RYR3: variants seen among roughly 807,000 people sequenced by gnomAD.
RYR3 encodes the protein ryanodine receptor 3, also known as brain ryanodine receptor-calcium release channel.
In RYR3, 207 loss-of-function variants were observed where a neutral mutation model predicts 584.3. That is an observed-to-expected ratio of 0.35 (90% CI 0.32 to 0.40). The LOEUF (loss-of-function observed/expected upper bound fraction) is 0.40. RYR3 is among the 10% of genes least tolerant of loss of function. The pLI is 1.00. For synonymous variants in RYR3, 2,416 were observed against 2,248.5 expected (o/e 1.07, Z -2.11); for missense variants, 5,616 against 6,089.2 (o/e 0.92, Z 2.59).
chr15:33,805,567 T>G (rs1480557435), intron 69 of RYR3, among the ~76,000 whole-genome samples: 2 of 150,578 alleles, frequency 1.3e-5, no homozygotes, highest in Non-Finnish European at 3.0e-5. Context: ...AAGCTCCGCC[T>G]CCCTGGTTCA....
intron 81 of RYR3, 129 bp from the exon 82 acceptor site, chr15:33,825,474 T>C: frequency 3.3e-6 from 2 of 606,126 alleles, no homozygotes; most frequent in Non-Finnish European, 5.8e-6. Context: ...GCAACCACCC[T>C]GGAATGTGTT....
At chr15:33,669,603 A>G (rs979357796) in intron 37 of RYR3, 147 bp downstream of exon 37, 2 of 684,234 alleles carry the variant, frequency 2.9e-6, no homozygotes. Context: ...TATCCTAGCT[A>G]CTTGTGTCAG....
chr15:33,798,084 T>TTTTA (rs113043524), intron 67 of RYR3, among the ~76,000 whole-genome samples: 59,759 of 110,482 alleles, frequency 0.54, 12,526 homozygotes, highest in East Asian at 0.85. Context: ...TCTGTCTGTC[T>TTTTA]TTTATTTATT....
chr15:33,819,847 T>C, intron 77 of RYR3, 40 bp downstream of exon 77: 1 of 1,499,948 alleles, frequency 6.7e-7, no homozygotes, highest in Admixed American at 1.8e-5. Context: ...TGTCTTTCTG[T>C]CTTCCCTTAG....
In RYR3 at chr15:33,864,193, A is replaced by G; in HGVS notation, c.14517+4A>G. Reference sequence around the variant, plus strand: ...TGAAACAGAGCACACGGGTCAGGTGAGAAATTAAGAATCATATACCCGTGT... The same window carrying G: ...TGAAACAGAGCACACGGGTCAGGTGGGAAATTAAGAATCATATACCCGTGT... On this transcript the variant is annotated splice_donor_region_variant and intron_variant, in intron 103 of 103. Coordinates refer to ENST00000634891, the MANE Select transcript of RYR3 (RefSeq NM_001036.6). 1 of 1,607,108 alleles carries G rather than the reference A, an allele frequency of 6.2e-7. No individual in the cohort carries two copies. The highest frequency in any genetic ancestry group is 8.5e-7 in the Non-Finnish European group (1 of 1,175,414).
At chr15:33,732,193 A>C (rs2069014238) in intron 48 of RYR3, among the ~76,000 whole-genome samples, 1 of 151,726 alleles carries the variant, frequency 6.6e-6, no homozygotes, top group Non-Finnish European at 1.5e-5. Context: ...CATCCTGGCT[A>C]ACACGGTGAA....
At chr15:33,532,169 C>T (rs999068213) in intron 4 of RYR3, among the ~76,000 whole-genome samples, 18 of 152,138 alleles carry the variant, frequency 1.2e-4, no homozygotes, top group African/African-American at 4.3e-4. Flanking sequence ...GAAAGCACAT[C>T]CCAAGAGCTT....
intron 13 of RYR3, among the ~76,000 whole-genome samples, chr15:33,580,604 A>C (rs1413224663): frequency 6.6e-6 from 1 of 152,184 alleles, no homozygotes; most frequent in Non-Finnish European, 1.5e-5. Flanking sequence ...GTGGGGCCTG[A>C]CCATGAGGAA....
At chr15:33,556,767 G>C (rs4780125) in intron 10 of RYR3, among the ~76,000 whole-genome samples, 106,036 of 151,822 alleles carry the variant, frequency 0.7, 39,036 homozygotes, top group Middle Eastern at 0.85. Flanking sequence ...CTTCCTCATT[G>C]CCCTTCACTC....
intron 12 of RYR3, among the ~76,000 whole-genome samples, chr15:33,579,550 CA>C (rs1294296656): frequency 2.0e-5 from 3 of 151,870 alleles, no homozygotes; most frequent in Non-Finnish European, 4.4e-5. Flanking sequence ...GACAGACAAC[CA>C]GGGGTAAATG....
intron 59 of RYR3, among the ~76,000 whole-genome samples, chr15:33,756,796 G>A (rs1443835695): frequency 6.6e-6 from 1 of 152,098 alleles, no homozygotes; most frequent in African/African-American, 2.4e-5. Flanking sequence ...TAAGGTGAGA[G>A]ATGACAGGTT....
intron 86 of RYR3, among the ~76,000 whole-genome samples, chr15:33,833,922 G>C (rs1213630754): frequency 6.6e-6 from 1 of 152,102 alleles, no homozygotes; most frequent in Admixed American, 6.5e-5. Context: ...ATTGGTTAAA[G>C]GGTAGAAAAA....
intron 67 of RYR3, among the ~76,000 whole-genome samples, chr15:33,793,496 A>G (rs1414649517): frequency 1.3e-5 from 2 of 152,124 alleles, no homozygotes; most frequent in Admixed American, 6.6e-5. Context: ...GGGTCACTTC[A>G]TTAGCATAAA....
chr15:33,676,131 G>T (rs183645796), intron 38 of RYR3, among the ~76,000 whole-genome samples: 1 of 151,996 alleles, frequency 6.6e-6, no homozygotes, highest in Non-Finnish European at 1.5e-5. Flanking sequence ...TCTCAAGAGT[G>T]AGAGAGATTG....
intron 19 of RYR3, among the ~76,000 whole-genome samples, 191 bp downstream of exon 19, chr15:33,613,566 G>A (rs759264579): frequency 1.1e-4 from 16 of 152,206 alleles, no homozygotes; most frequent in Non-Finnish European, 2.2e-4. Context: ...ACCTCCCCCA[G>A]GGGTTGTATT....
chr15:33,335,737 G>A (rs1413333705), intron 1 of RYR3, among the ~76,000 whole-genome samples: 1 of 148,488 alleles, frequency 6.7e-6, no homozygotes, highest in African/African-American at 2.5e-5. Flanking sequence ...AAAAAAAAAA[G>A]ATCAGTGGAT....
chr15:33,591,495 A>G (rs1330525747), intron 16 of RYR3, among the ~76,000 whole-genome samples: 1 of 152,028 alleles, frequency 6.6e-6, no homozygotes, highest in Non-Finnish European at 1.5e-5. Flanking sequence ...GCCAGAATCT[A>G]CTCCTGTCTC....
At chr15:33,569,608 A>G (rs930672384) in intron 12 of RYR3, among the ~76,000 whole-genome samples, 1 of 152,186 alleles carries the variant, frequency 6.6e-6, no homozygotes, top group Non-Finnish European at 1.5e-5. Flanking sequence ...ATTCCATTCT[A>G]TATAAATACC....
rs565785054 is a variant in RYR3 at position 33,649,983 on chromosome 15, G to A, written c.4142+748G>A. 5.9e-5 allele frequency among the ~76,000 whole-genome samples: 9 copies of A among 152,320 alleles called. No individual in the cohort carries two copies. The South Asian group carries it at 1.9e-3, about 32-fold the overall frequency. On this transcript the variant is annotated intron_variant, in intron 31 of 103. Coordinates refer to ENST00000634891, the MANE Select transcript of RYR3 (RefSeq NM_001036.6). ...CTTTGCTCCCTACGAAGACAGGAACGTTTTGCAATCAGTGTCCTTTAGAGA... is the reference window on the plus strand; with the variant it reads ...CTTTGCTCCCTACGAAGACAGGAACATTTTGCAATCAGTGTCCTTTAGAGA...
Sources: gnomAD v4.1 joint callset for allele counts (sites outside exome capture counted in the v4.1 genomes callset) on GRCh38, gnomAD v4.1.1 for gene constraint, MANE v1.5 for transcripts, NCBI Gene and HGNC (gene_info 2026-07-23, HGNC 2026-07-21) for gene names.